SVIL: variants seen among roughly 807,000 people sequenced by gnomAD.
The protein encoded by SVIL is supervillin.
In SVIL, 101 loss-of-function variants were observed where a neutral mutation model predicts 240.4. The observed-to-expected ratio is 0.42, with a 90% CI of 0.36 to 0.50. SVIL has a LOEUF of 0.50. SVIL is among the 20% of genes least tolerant of loss of function. The pLI, the probability that SVIL is intolerant of heterozygous loss-of-function variation, is 0.01. For missense variants in SVIL, 2,512 were observed against 2,818.7 expected, an observed-to-expected ratio of 0.89 and a Z score of 2.46; for synonymous variants, 999 against 1,100.0, an observed-to-expected ratio of 0.91 and a Z score of 1.82.
chr10:29,733,963 G>T (rs1964760904), intron 1 of SVIL, among the ~76,000 whole-genome samples: 1 of 152,168 alleles, frequency 6.6e-6, no homozygotes, highest in Non-Finnish European at 1.5e-5. Context: ...TCAGTAAGGT[G>T]GGCCATTATT....
At chr10:29,729,386 G>C (rs1964468518) in intron 1 of SVIL, among the ~76,000 whole-genome samples, 1 of 151,830 alleles carries the variant, frequency 6.6e-6, no homozygotes, top group African/African-American at 2.4e-5. Context: ...CTTCTGAAAG[G>C]AGCTGGGCTG....
At position 29,523,488 on chromosome 10, in the gene SVIL, C is replaced by G. The variant is rs373969255; in HGVS notation, c.3126G>C (p.Glu1042Asp). Residue 1042 changes from glutamate to aspartate, a missense_variant, in exon 15 of 38, where the codon GAG becomes GAC. By Grantham distance (45) the Glu-to-Asp change is conservative (BLOSUM62 2). Around this residue, in one of 3 missense-constraint regions of SVIL, gnomAD observed 1,443 missense variants for 1,486.6 expected, o/e 0.97. Coordinates refer to ENST00000355867, the MANE Select transcript of SVIL (RefSeq NM_021738.3). ...RDRLPFEEKV[E>D]VENVMKRKFS... is the part of the protein sequence containing the mutation. ...ACTTCCTTTTCATAACATTCTCCAC[C>G]TCCACCTTCTCTTCAAAGGGCAGCC... is the stretch of plus-strand genomic sequence containing the variant. 238 of 1,612,104 alleles carry G rather than the reference C, an allele frequency of 1.5e-4. 1 individual carries two copies. The highest frequency in any genetic ancestry group is 1.9e-4 in the Non-Finnish European group (226 of 1,179,106).
rs529888617 is a variant in SVIL, at chr10:29,696,364, C to A, written c.-399-9713G>T. ...AAGTGCGGAGATTGCAGCCCCTGCC[C>A]GGCCGCCACCCCGTCTGGGAAGTGA... On this transcript the variant is annotated intron_variant, in intron 1 of 35. Coordinates refer to the SVIL transcript ENST00000375400. Among the ~76,000 whole-genome samples the A allele has an allele frequency of 5.3e-5, 8 of 152,156 alleles. No homozygotes were observed. The East Asian group carries it at 1.6e-3, about 30-fold the overall frequency.
intron 1 of SVIL, among the ~76,000 whole-genome samples, chr10:29,716,698 T>A (rs1448750854): frequency 6.6e-6 from 1 of 152,210 alleles, no homozygotes; most frequent in Non-Finnish European, 1.5e-5. Flanking sequence ...GTTTTAATGA[T>A]TTTTTACATC....
rs370620059 is a variant in SVIL at position 29,614,112 on chromosome 10, C to A, written c.-201+20308G>T. On this transcript the variant is annotated intron_variant, in intron 1 of 37. Transcript: ENST00000355867. The stretch of plus-strand genomic sequence containing the variant: ...ATCACTAACTATACCACAACAGAAC[C>A]TTTTAAAGCCATTTTTTTTAAAAAA... Among the ~76,000 whole-genome samples, 7 of 152,094 alleles carry A rather than the reference C, an allele frequency of 4.6e-5. No homozygotes were observed. The South Asian group carries it at 6.2e-4, about 13-fold the overall frequency.
chr10:29,586,701 T>A (rs1396936478), intron 1 of SVIL, among the ~76,000 whole-genome samples: 1 of 152,190 alleles, frequency 6.6e-6, no homozygotes, highest in African/African-American at 2.4e-5. Flanking sequence ...TATGGAATAC[T>A]ACGCAGCCAT....
At chr10:29,553,693 C>T (rs1953607097) in intron 5 of SVIL, among the ~76,000 whole-genome samples, 1 of 152,156 alleles carries the variant, frequency 6.6e-6, no homozygotes, top group Non-Finnish European at 1.5e-5. Context: ...CTCCTAAGGT[C>T]AAGTTGAATA....
rs1404557730 is a variant in SVIL, at chr10:29,486,156, C to T, written c.4708G>A (p.Asp1570Asn). Residue 1570 changes from aspartate (D) to asparagine (N), a missense_variant, in exon 26 of 38, where the codon GAT (aspartate) becomes AAT (asparagine). Transcript: ENST00000355867. ...TCGTCATCAGGAACAAGTTTGTCAT[C>T]CATGAGACGGTAAATGCAGTTAGTT... ...IETNCIYRLM[D>N]DKLVPDDDYW... The T allele has an allele frequency of 3.1e-6, 5 of 1,614,044 alleles. No homozygotes were observed. Among genetic ancestry groups the T allele is most frequent in the Admixed American group, 3.3e-5 (2 of 60,002 alleles).
Position 29,634,864 on chromosome 10 carries a change from T to C in SVIL, c.-645A>G, listed in dbSNP as rs1245297226. On this transcript the variant is annotated 5_prime_UTR_variant, in exon 1 of 38. Coordinates refer to ENST00000355867, the MANE Select transcript of SVIL (RefSeq NM_021738.3). ...TGAAGTTTTTCGTCCCCTAGTGTCC[T>C]CGAGGCTGAACTTCCCCAACCTGGC... 2.6e-5 allele frequency: 4 copies of C among 152,104 alleles called. No homozygotes were observed. Among genetic ancestry groups the C allele is most frequent in the African/African-American group, 9.7e-5 (4 of 41,402 alleles). The allele number at this position is 152,104 out of a possible 1,614,324, so 9.4% of individuals were successfully genotyped here.
rs1018086056 is a variant in SVIL, at chr10:29,554,950, C to G, written c.9-16G>C. ...TCTTTCTTTTCTGTGAAATACACCA[C>G]AAGAGGCAGAGTGAGCAACAGCGAT... On this transcript the variant is annotated splice_polypyrimidine_tract_variant and intron_variant, in intron 4 of 37. Coordinates refer to ENST00000355867, the MANE Select transcript of SVIL (RefSeq NM_021738.3). The G allele has an allele frequency of 1.9e-6, 3 of 1,610,414 alleles. No individual in the cohort carries two copies. Among genetic ancestry groups the G allele is most frequent in the African/African-American group, 2.7e-5 (2 of 74,746 alleles).
At chr10:29,492,083 G>A (rs1220263757) in intron 21 of SVIL, among the ~76,000 whole-genome samples, 4 of 152,154 alleles carry the variant, frequency 2.6e-5, no homozygotes, top group Non-Finnish European at 5.9e-5. Flanking sequence ...AGCCTGTCTA[G>A]CGTGTCTCCC....
chr10:29,593,512 A>T (rs1956469289), intron 1 of SVIL, among the ~76,000 whole-genome samples: 3 of 152,196 alleles, frequency 2.0e-5, no homozygotes, highest in Admixed American at 2.0e-4. Flanking sequence ...TTAGAAGCCA[A>T]AGATGGTCTT....
chr10:29,624,023 G>T (rs933002042), intron 1 of SVIL, among the ~76,000 whole-genome samples: 10 of 152,086 alleles, frequency 6.6e-5, no homozygotes, highest in African/African-American at 2.2e-4. Context: ...TTTCTCAGCA[G>T]GTACTCCTGT....
At chr10:29,708,047 G>C (rs1474823049) in intron 1 of SVIL, among the ~76,000 whole-genome samples, 1 of 150,686 alleles carries the variant, frequency 6.6e-6, no homozygotes, top group East Asian at 2.0e-4. Flanking sequence ...CACGAGGTCA[G>C]GAGATGGAGA....
At chr10:29,657,807 C>T (rs368525118) in intron 3 of SVIL, 5 of 152,254 alleles carry the variant, frequency 3.3e-5, no homozygotes, top group South Asian at 2.1e-4. Flanking sequence ...GGTTCCACAC[C>T]GCATCACAGA....
chr10:29,699,138 A>AT (rs1378735029), intron 1 of SVIL, among the ~76,000 whole-genome samples: 1 of 151,764 alleles, frequency 6.6e-6, no homozygotes, highest in Non-Finnish European at 1.5e-5. Context: ...GTTATTTTTT[A>AT]TTTTTTTTAG....
At chr10:29,540,176 G>T (rs1283527004) in intron 6 of SVIL, among the ~76,000 whole-genome samples, 1 of 152,102 alleles carries the variant, frequency 6.6e-6, no homozygotes. Flanking sequence ...CCCTCCTAGG[G>T]CTCAACATAT....
intron 1 of SVIL, among the ~76,000 whole-genome samples, chr10:29,731,141 CA>C (rs1331243304): frequency 6.6e-6 from 1 of 151,172 alleles, no homozygotes; most frequent in Non-Finnish European, 1.5e-5. Context: ...GTTCTGAAAA[CA>C]AAAAGGTGCT....
chr10:29,632,665 T>A (rs1475361268), intron 1 of SVIL, among the ~76,000 whole-genome samples: 2 of 152,172 alleles, frequency 1.3e-5, no homozygotes, highest in Non-Finnish European at 1.5e-5. Flanking sequence ...CTGACTGATG[T>A]CCACTGCAAG....
Sources: allele counts gnomAD v4.1 joint callset (sites outside exome capture counted in the v4.1 genomes callset), GRCh38; gene constraint gnomAD v4.1.1; regional missense constraint gnomAD v4.1.1; transcripts MANE v1.5; gene names NCBI Gene and HGNC (gene_info 2026-07-23, HGNC 2026-07-21).